RGS4: variants seen among roughly 807,000 people sequenced by gnomAD.
RGS4 encodes regulator of G protein signaling 4.
In RGS4, 15 loss-of-function variants were observed where a neutral mutation model predicts 21.6. The observed-to-expected ratio is 0.69, with a 90% CI of 0.46 to 1.07. The LOEUF is 1.07. RGS4 is among the 50% of genes least tolerant of loss of function. The probability of loss-of-function intolerance (pLI) is 0.00; values close to 1 mark genes in which losing one functional copy is unlikely to be tolerated. For missense variants in RGS4, 237 were observed against 239.0 expected (o/e 0.99, Z 0.06); for synonymous variants, 94 against 85.5 (o/e 1.10, Z -0.55).
rs1655355892 is a variant in RGS4 at position 163,072,587 on chromosome 1, T to C, written c.149+88T>C. The C allele has an allele frequency of 1.7e-5, 18 of 1,039,978 alleles. No individual in the cohort carries two copies. In the South Asian group the frequency reaches 1.9e-4, roughly 11 times the overall value. The allele number at this position is 1,039,978 out of a possible 1,614,324, so 64.4% of individuals were successfully genotyped here. On this transcript the variant is annotated intron_variant, in intron 2 of 4. Transcript: ENST00000367909. The stretch of plus-strand genomic sequence containing the variant: ...TGTGAGAAGGAACTTGTGCTCCTAG[T>C]TAAGCCAGATTTGGATCAAGATAGC...
At chr1:163,073,730 T>A (rs916178227) in intron 4 of RGS4, 108 bp downstream of exon 4, 1 of 656,574 alleles carries the variant, frequency 1.5e-6, no homozygotes, top group Admixed American at 3.4e-5. Flanking sequence ...AATTGCTATA[T>A]ACATATCTCA....
At chr1:163,069,203 T>A, upstream of RGS4, 1 of 1,520,380 alleles carries the variant, frequency 6.6e-7, no homozygotes, top group Non-Finnish European at 8.8e-7. Flanking sequence ...CTCTGCTCGT[T>A]CACTTAACAT....
At position 163,074,863 on chromosome 1, in the gene RGS4, C is replaced by T. The variant is rs1655445658; in HGVS notation, c.*303C>T. 1 of 598,896 alleles carries T rather than the reference C, an allele frequency of 1.7e-6. No individual in the cohort carries two copies. The highest frequency in any genetic ancestry group is 3.0e-6 in the Non-Finnish European group (1 of 337,334). 37.1% of individuals were successfully genotyped at this position (598,896 alleles called of 1,614,324 possible). ...ATTTTCAAAGATTGTTGGCAGTTTCCTCCTCCCAACAGTTTTACCTCGGGA... is the reference window on the plus strand; with the variant it reads ...ATTTTCAAAGATTGTTGGCAGTTTCTTCCTCCCAACAGTTTTACCTCGGGA... On this transcript the variant is annotated 3_prime_UTR_variant, in exon 5 of 5. Transcript: ENST00000367909.
chr1:163,071,738 A>C (rs1051453278), intron 1 of RGS4, among the ~76,000 whole-genome samples: 2 of 151,170 alleles, frequency 1.3e-5, no homozygotes, highest in Non-Finnish European at 2.9e-5. Flanking sequence ...AAGAAGCCCC[A>C]AGAAGCTGAG....
intron 3 of RGS4, among the ~76,000 whole-genome samples, chr1:163,073,214 C>T (rs1219779152): frequency 6.6e-6 from 1 of 152,146 alleles, no homozygotes; most frequent in African/African-American, 2.4e-5. Context: ...ATTTCAGAAG[C>T]AAAATACTTC....
In RGS4 at chr1:163,074,679, G is replaced by T. The variant is rs777111639; in HGVS notation, c.*119G>T. ...ATCCACATTGTAGCCTAATATTCAT[G>T]CTGCCTGCCATGTGTGAGTCACTTC... On this transcript the variant is annotated 3_prime_UTR_variant, in exon 5 of 5. Coordinates refer to ENST00000367909, the MANE Select transcript of RGS4 (RefSeq NM_005613.6). The T allele has an allele frequency of 5.4e-5, 76 of 1,417,540 alleles. No homozygotes were observed. The highest frequency in any genetic ancestry group is 7.0e-5 in the Non-Finnish European group (71 of 1,008,840). The allele number at this position is 1,417,540 out of a possible 1,614,324, so 87.8% of individuals were successfully genotyped here.
In RGS4 at chr1:163,073,445, C is replaced by G. The variant is rs765560010; in HGVS notation, c.212-11C>G. On this transcript the variant is annotated splice_polypyrimidine_tract_variant and intron_variant, in intron 3 of 4. Transcript: ENST00000367909. ...GTGATGACAACTGTGGTCCTTTCTC[C>G]TGTATCATAGGTGGGCTGGCAGCTT... 1.9e-6 allele frequency: 3 copies of G among 1,557,984 alleles called. No homozygotes were observed. The highest frequency in any genetic ancestry group is 1.7e-6 in the Non-Finnish European group (2 of 1,159,344).
rs761350506 is a variant in RGS4 at position 163,072,431 on chromosome 1, G to T, written c.81G>T (p.Leu27=). The T allele has an allele frequency of 1.2e-6, 2 of 1,613,162 alleles. No individual in the cohort carries two copies. Among genetic ancestry groups the T allele is most frequent in the South Asian group, 2.2e-5 (2 of 91,058 alleles). ...KDMKHRLGFL[L]QKSDSCEHNS... ...TGAAACATCGGCTAGGTTTCCTGCTGCAAAAATCTGATTCCTGTGAACACA... is the reference window on the plus strand; with the variant it reads ...TGAAACATCGGCTAGGTTTCCTGCTTCAAAAATCTGATTCCTGTGAACACA... Residue 27 remains leucine (L), a synonymous_variant, in exon 2 of 5, where the codon CTG becomes CTT. Transcript: ENST00000367909.
chr1:163,074,233 C>G lies in RGS4; in HGVS notation c.379-88C>G, dbSNP rs1037083136. ...TTGCTTCTGAAATACAGAGGGTGCA[C>G]TGCCACTTACAAGTCACTACAAAGC... On this transcript the variant is annotated intron_variant, in intron 4 of 4. Transcript: ENST00000367909. 3.2e-6 allele frequency: 5 copies of G among 1,546,948 alleles called. No homozygotes were observed. The African/African-American group carries it at 6.9e-5, about 21-fold the overall frequency.
At chr1:163,069,102 T>G (rs1301790443), upstream of RGS4, 37 of 1,512,142 alleles carry the variant, frequency 2.4e-5, no homozygotes, top group Non-Finnish European at 3.3e-5. Flanking sequence ...ATTGTACACT[T>G]TTTTTCCTTT....
Position 163,071,497 on chromosome 1 carries a change from A to C in RGS4, c.45-898A>C, listed in dbSNP as rs547157993. ...ATGCAAGCAAGAGGATATTTAATAAAAAGTAAGAGAGTTGAGCTTAAGGCT... is the reference window on the plus strand; with the variant it reads ...ATGCAAGCAAGAGGATATTTAATAACAAGTAAGAGAGTTGAGCTTAAGGCT... On this transcript the variant is annotated intron_variant, in intron 1 of 4. Coordinates refer to ENST00000367909, the MANE Select transcript of RGS4 (RefSeq NM_005613.6). 3.9e-5 allele frequency among the ~76,000 whole-genome samples: 6 copies of C among 152,206 alleles called. No individual in the cohort carries two copies. The South Asian group carries it at 1.2e-3, about 32-fold the overall frequency.
At chr1:163,068,945 T>C (rs775535185), upstream of RGS4, 3 of 1,602,642 alleles carry the variant, frequency 1.9e-6, 1 homozygote, top group South Asian at 2.2e-5. Flanking sequence ...ATGTATAATA[T>C]GATGCTTCTA....
At chr1:163,072,342 T>G in intron 1 of RGS4, 53 bp from the exon 2 acceptor site, 1 of 1,362,516 alleles carries the variant, frequency 7.3e-7, no homozygotes, top group Non-Finnish European at 1.0e-6. Flanking sequence ...ATTAGGTATC[T>G]TTTAAAGAAA....
At chr1:163,071,117 T>G (rs1169175822) in intron 1 of RGS4, among the ~76,000 whole-genome samples, 2 of 152,332 alleles carry the variant, frequency 1.3e-5, no homozygotes, top group Non-Finnish European at 2.9e-5. Flanking sequence ...CTATTTGGAC[T>G]TCATGATATA....
At chr1:163,070,418 C>T (rs934000733) in intron 1 of RGS4, 3 of 152,078 alleles carry the variant, frequency 2.0e-5, no homozygotes, top group African/African-American at 7.2e-5. Flanking sequence ...TTTCTTATCG[C>T]ACTGCAAATA....
At chr1:163,072,624 T>A (rs1655357048) in intron 2 of RGS4, 125 bp downstream of exon 2, 1 of 857,792 alleles carries the variant, frequency 1.2e-6, no homozygotes, top group African/African-American at 1.7e-5. Context: ...TCCATTTTCA[T>A]GGAGATCATA....
chr1:163,072,635 A>G, intron 2 of RGS4, 136 bp downstream of exon 2: 1 of 836,414 alleles, frequency 1.2e-6, no homozygotes, highest in Non-Finnish European at 1.9e-6. Context: ...GGAGATCATA[A>G]CTACATTTGA....
At chr1:163,072,172 T>C in intron 1 of RGS4, 1 of 1,090,972 alleles carries the variant, frequency 9.2e-7, no homozygotes, top group Non-Finnish European at 1.2e-6. Context: ...ATTCCAGTTG[T>C]GGATGAAGGA....
At chr1:163,072,330 C>T (rs1159471333) in intron 1 of RGS4, 65 bp from the exon 2 acceptor site, 21 of 1,254,372 alleles carry the variant, frequency 1.7e-5, no homozygotes, top group Non-Finnish European at 1.7e-5. Context: ...TCAAGCTCTA[C>T]CATTAGGTAT....
Sources: gnomAD v4.1 joint callset for allele counts (sites outside exome capture counted in the v4.1 genomes callset) on GRCh38, gnomAD v4.1.1 for gene constraint, MANE v1.5 for transcripts, NCBI Gene and HGNC (gene_info 2026-07-23, HGNC 2026-07-21) for gene names.